The following CCSER1 variants were observed in gnomAD, a reference collection of about 807,000 sequenced individuals.
CCSER1 encodes coiled-coil serine rich protein 1, also known as serine-rich coiled-coil domain-containing protein 1.
In CCSER1, 41 loss-of-function variants were observed where a neutral mutation model predicts 82.0. The ratio of observed to expected loss-of-function variants is 0.50; its 90% confidence interval spans 0.39 to 0.65. The LOEUF (loss-of-function observed/expected upper bound fraction) is 0.65. CCSER1 is among the 30% of genes least tolerant of loss of function. The probability of loss-of-function intolerance (pLI) is 0.00; values close to 1 mark genes in which losing one functional copy is unlikely to be tolerated. For synonymous variants in CCSER1, 414 were observed against 383.9 expected (o/e 1.08, Z -0.92); for missense variants, 1,119 against 1,064.2 (o/e 1.05, Z -0.72).
chr4:90,454,153 G>T (rs573992536), intron 4 of CCSER1, among the ~76,000 whole-genome samples: 1 of 152,040 alleles, frequency 6.6e-6, no homozygotes, highest in African/African-American at 2.4e-5. Flanking sequence ...CAGTTAACAG[G>T]TACATCTAGG....
chr4:90,853,742 T>C (rs749104001), intron 8 of CCSER1, among the ~76,000 whole-genome samples: 1 of 152,158 alleles, frequency 6.6e-6, no homozygotes, highest in Non-Finnish European at 1.5e-5. Flanking sequence ...TACATAGTGT[T>C]TCTGATCTCT....
chr4:91,408,313 A>G (rs778968309), intron 10 of CCSER1, among the ~76,000 whole-genome samples: 8 of 152,198 alleles, frequency 5.3e-5, no homozygotes, highest in Non-Finnish European at 7.3e-5. Context: ...ATTAAGAACA[A>G]TTTTCACATA....
chr4:91,433,702 G>A (rs1754464901), intron 10 of CCSER1, among the ~76,000 whole-genome samples: 1 of 152,186 alleles, frequency 6.6e-6, no homozygotes, highest in African/African-American at 2.4e-5. Context: ...GTATGCCACA[G>A]TCCATCTAGG....
intron 10 of CCSER1, among the ~76,000 whole-genome samples, chr4:91,520,477 A>G (rs1578682650): frequency 6.6e-6 from 1 of 152,182 alleles, no homozygotes; most frequent in East Asian, 1.9e-4. Flanking sequence ...ATCTTTATGT[A>G]TCACAATCTA....
In CCSER1 at chr4:91,103,426, A is replaced by C. The variant is rs551052261; in HGVS notation, c.2217+17432A>C. ...ATAAGATTACCTAATAATGAAAAAAATGCATTTCTAATTTTTTAGCTCCTA... is the reference window on the plus strand; with the variant it reads ...ATAAGATTACCTAATAATGAAAAAACTGCATTTCTAATTTTTTAGCTCCTA... On this transcript the variant is annotated intron_variant, in intron 10 of 10. Coordinates refer to ENST00000509176, the MANE Select transcript of CCSER1 (RefSeq NM_001145065.2). 2.6e-5 allele frequency among the ~76,000 whole-genome samples: 4 copies of C among 152,270 alleles called. No individual in the cohort carries two copies. The South Asian group carries it at 6.2e-4, about 24-fold the overall frequency.
At chr4:91,321,264 G>A (rs1212128685) in intron 10 of CCSER1, among the ~76,000 whole-genome samples, 2 of 152,180 alleles carry the variant, frequency 1.3e-5, no homozygotes, top group African/African-American at 2.4e-5. Context: ...TCTGATATCT[G>A]TTTTGGTGAA....
chr4:91,086,457 G>T (rs894456636), intron 10 of CCSER1, among the ~76,000 whole-genome samples: 1 of 151,868 alleles, frequency 6.6e-6, no homozygotes, highest in Non-Finnish European at 1.5e-5. Flanking sequence ...AGTTGCTCTG[G>T]TAAAGCTAGT....
chr4:90,629,904 C>G lies in CCSER1; in HGVS notation c.1932+1672C>G, dbSNP rs181428065. Among the ~76,000 whole-genome samples, 386 of 152,260 alleles carry G rather than the reference C, an allele frequency of 2.5e-3. 1 individual carries two copies. The highest frequency in any genetic ancestry group is 3.9e-3 in the Non-Finnish European group (267 of 68,012). ...TTTCTATTTGTTTTACTATTATCTA[C>G]ACTTGTGAGATTATTTACATCTTTT... is the stretch of plus-strand genomic sequence containing the variant. On this transcript the variant is annotated intron_variant, in intron 6 of 10. Transcript: ENST00000509176.
At chr4:90,148,104 G>A (rs778238436) in intron 1 of CCSER1, among the ~76,000 whole-genome samples, 23 of 152,308 alleles carry the variant, frequency 1.5e-4, no homozygotes, top group Non-Finnish European at 2.6e-4. Flanking sequence ...GGTGGAGGTT[G>A]CAGTGAGCCA....
At chr4:90,274,946 C>G (rs1310318946) in intron 1 of CCSER1, among the ~76,000 whole-genome samples, 1 of 152,090 alleles carries the variant, frequency 6.6e-6, no homozygotes, top group Admixed American at 6.6e-5. Flanking sequence ...GTAATTAAGA[C>G]ACAGCAGAAA....
chr4:90,682,048 A>G (rs1014658460), intron 6 of CCSER1, among the ~76,000 whole-genome samples: 1 of 151,906 alleles, frequency 6.6e-6, no homozygotes, highest in Non-Finnish European at 1.5e-5. Context: ...TTGCTAAACT[A>G]CAAGTGCTTG....
intron 4 of CCSER1, among the ~76,000 whole-genome samples, chr4:90,408,563 G>T (rs773573045): frequency 1.3e-5 from 2 of 152,220 alleles, no homozygotes; most frequent in Non-Finnish European, 2.9e-5. Flanking sequence ...CAGATCTGCA[G>T]CTGAGTGTCC....
chr4:90,224,265 T>G (rs1308087035), intron 1 of CCSER1, among the ~76,000 whole-genome samples: 1 of 152,216 alleles, frequency 6.6e-6, no homozygotes, highest in Non-Finnish European at 1.5e-5. Flanking sequence ...TTCTATAGTT[T>G]GCATTTTATT....
chr4:91,519,535 G>A (rs939694139), intron 10 of CCSER1, among the ~76,000 whole-genome samples: 1 of 152,234 alleles, frequency 6.6e-6, no homozygotes, highest in Non-Finnish European at 1.5e-5. Context: ...TTTTGCTGGA[G>A]CTGCAGCCAT....
intron 3 of CCSER1, among the ~76,000 whole-genome samples, chr4:90,363,202 A>G (rs1745689164): frequency 6.6e-6 from 1 of 152,124 alleles, no homozygotes; most frequent in Non-Finnish European, 1.5e-5. Context: ...TTTTCTACAA[A>G]TTCTAGATTG....
At chr4:91,256,855 T>C (rs1439945215) in intron 10 of CCSER1, among the ~76,000 whole-genome samples, 1 of 152,178 alleles carries the variant, frequency 6.6e-6, no homozygotes, top group African/African-American at 2.4e-5. Flanking sequence ...ACAGAACCTC[T>C]TCTTCTTGGG....
chr4:90,231,592 A>G (rs1744566601), intron 1 of CCSER1, among the ~76,000 whole-genome samples: 1 of 144,460 alleles, frequency 6.9e-6, no homozygotes, highest in Non-Finnish European at 1.5e-5. Flanking sequence ...CACGACTCCT[A>G]TTCAACATAG....
At chr4:91,147,530 T>C (rs1186559557) in intron 10 of CCSER1, among the ~76,000 whole-genome samples, 1 of 152,180 alleles carries the variant, frequency 6.6e-6, no homozygotes, top group Non-Finnish European at 1.5e-5. Flanking sequence ...TTCTTGTCAG[T>C]TTTCTGATAG....
At chr4:90,706,951 T>C (rs1223151606) in intron 6 of CCSER1, among the ~76,000 whole-genome samples, 2 of 152,222 alleles carry the variant, frequency 1.3e-5, no homozygotes, top group South Asian at 2.1e-4. Flanking sequence ...CATCATGTTA[T>C]GAAGCTTAGA....
Sources: gnomAD v4.1 joint callset for allele counts (sites outside exome capture counted in the v4.1 genomes callset) on GRCh38, gnomAD v4.1.1 for gene constraint, MANE v1.5 for transcripts, NCBI Gene and HGNC (gene_info 2026-07-23, HGNC 2026-07-21) for gene names.